The following QTMAN variants were observed in gnomAD, a reference collection of about 807,000 sequenced individuals.
QTMAN encodes the protein tRNA-queuosine alpha-mannosyltransferase.
chr2:144,197,890 G>A, the QTMAN span, among the ~76,000 whole-genome samples: 24 of 152,030 alleles, frequency 1.6e-4, no homozygotes, highest in Non-Finnish European at 3.1e-4. Context: ...TATAGCACTC[G>A]TTGGTGTTTT....
the QTMAN span, among the ~76,000 whole-genome samples, chr2:144,237,623 C>A: frequency 4.6e-5 from 7 of 152,170 alleles, no homozygotes; most frequent in Non-Finnish European, 8.8e-5. Context: ...TCATTTTTTG[C>A]TTCCACAGAT....
At chr2:144,095,430 T>G in the QTMAN span, among the ~76,000 whole-genome samples, 3 of 152,180 alleles carry the variant, frequency 2.0e-5, no homozygotes, top group African/African-American at 7.2e-5. Flanking sequence ...TCTAATGAGC[T>G]ACTTTAGGAG....
chr2:144,208,195 A>G, the QTMAN span, among the ~76,000 whole-genome samples: 1 of 152,048 alleles, frequency 6.6e-6, no homozygotes, highest in African/African-American at 2.4e-5. Flanking sequence ...TTCACCTCTC[A>G]TTGCACTTGC....
At chr2:144,007,114 C>T in the QTMAN span, 2 of 908,800 alleles carry the variant, frequency 2.2e-6, no homozygotes, top group Non-Finnish European at 1.7e-6. Flanking sequence ...ATTATTATGT[C>T]AATCAACAGA....
the QTMAN span, among the ~76,000 whole-genome samples, chr2:144,129,581 A>T: frequency 6.6e-6 from 1 of 152,030 alleles, no homozygotes; most frequent in Non-Finnish European, 1.5e-5. Flanking sequence ...ATATGAATTT[A>T]CTGAAGGAGG....
the QTMAN span, among the ~76,000 whole-genome samples, chr2:143,968,664 C>T: frequency 2.0e-5 from 3 of 152,286 alleles, no homozygotes; most frequent in South Asian, 4.1e-4. Context: ...CCTCCAGCAT[C>T]GTTTCTCAAT....
the QTMAN span, among the ~76,000 whole-genome samples, chr2:144,249,317 T>A: frequency 6.6e-6 from 1 of 152,214 alleles, no homozygotes; most frequent in Non-Finnish European, 1.5e-5. Flanking sequence ...ATAAAAAGAT[T>A]CTACTATCCC....
At chr2:144,162,555 C>T in the QTMAN span, among the ~76,000 whole-genome samples, 1 of 151,792 alleles carries the variant, frequency 6.6e-6, no homozygotes, top group East Asian at 1.9e-4. Flanking sequence ...CAGAATATAT[C>T]AGGGGAAAAA....
chr2:144,057,779 C>A, the QTMAN span, among the ~76,000 whole-genome samples: 1 of 152,042 alleles, frequency 6.6e-6, no homozygotes, highest in African/African-American at 2.4e-5. Flanking sequence ...GAAGAAACTC[C>A]CACATGGAAA....
the QTMAN span, among the ~76,000 whole-genome samples, chr2:144,074,549 C>T: frequency 5.9e-5 from 9 of 152,150 alleles, 1 homozygote; most frequent in Admixed American, 3.9e-4. Flanking sequence ...TCTAATCTTG[C>T]GTAACTGTGA....
chr2:144,198,705 A>G, the QTMAN span, among the ~76,000 whole-genome samples: 30 of 152,206 alleles, frequency 2.0e-4, no homozygotes, highest in East Asian at 7.7e-4. Flanking sequence ...ATCGCACAAA[A>G]GAGTCCAGAG....
the QTMAN span, among the ~76,000 whole-genome samples, chr2:144,140,187 C>G: frequency 2.0e-5 from 3 of 151,930 alleles, no homozygotes; most frequent in Non-Finnish European, 1.5e-5. Flanking sequence ...GTTATCTTGG[C>G]CACAATATTT....
At chr2:143,956,062 T>C in the QTMAN span, among the ~76,000 whole-genome samples, 8,374 of 152,286 alleles carry the variant, frequency 0.055, 313 homozygotes, top group East Asian at 0.16. Context: ...ATTAGCCACA[T>C]TTCTAAGTGT....
the QTMAN span, among the ~76,000 whole-genome samples, chr2:144,112,837 G>T: frequency 6.6e-6 from 1 of 152,120 alleles, no homozygotes; most frequent in South Asian, 2.1e-4. Context: ...TTTTACCATA[G>T]CTCAGTGGTA....
the QTMAN span, among the ~76,000 whole-genome samples, chr2:144,143,924 A>G: frequency 2.6e-5 from 4 of 151,940 alleles, no homozygotes; most frequent in Non-Finnish European, 5.9e-5. Context: ...CTAAAGAAAC[A>G]TTTGAGGAAG....
chr2:144,170,045 A>C, the QTMAN span, among the ~76,000 whole-genome samples: 10 of 152,266 alleles, frequency 6.6e-5, 1 homozygote, highest in South Asian at 2.1e-3. Context: ...TCATAATATA[A>C]TTTTGATTTA....
chr2:144,230,852 A>G, the QTMAN span, among the ~76,000 whole-genome samples: 1 of 152,154 alleles, frequency 6.6e-6, no homozygotes, highest in African/African-American at 2.4e-5. Context: ...GGGAAAAAAA[A>G]CCTGTTCTCA....
the QTMAN span, among the ~76,000 whole-genome samples, chr2:143,951,492 A>C: frequency 6.6e-6 from 1 of 151,520 alleles, no homozygotes; most frequent in African/African-American, 2.4e-5. Context: ...CATTTTTATT[A>C]AACTGGACGC....
At chr2:144,140,824 C>T in the QTMAN span, among the ~76,000 whole-genome samples, 1 of 151,888 alleles carries the variant, frequency 6.6e-6, no homozygotes, top group African/African-American at 2.4e-5. Context: ...GTTTTCTGCA[C>T]TTTATATAAA....
Sources: gnomAD v4.1 joint callset for allele counts (sites outside exome capture counted in the v4.1 genomes callset) on GRCh38, gnomAD v4.1.1 for gene constraint, MANE v1.5 for transcripts, NCBI Gene and HGNC (gene_info 2026-07-23, HGNC 2026-07-21) for gene names.